The following GALNTL6 variants were observed in gnomAD, a reference collection of about 807,000 sequenced individuals.
GALNTL6 encodes polypeptide N-acetylgalactosaminyltransferase-like 6.
A neutral mutation model predicts 73.7 loss-of-function variants in GALNTL6; 46 were observed. The observed-to-expected ratio is 0.62, with a 90% confidence interval of 0.49 to 0.80. GALNTL6 has a LOEUF of 0.80. Among genes scored for constraint, GALNTL6 ranks in the 30% least tolerant of loss-of-function variants. The pLI is 0.00. For synonymous variants in GALNTL6, 259 were observed against 263.7 expected, an observed-to-expected ratio of 0.98 and a Z score of 0.17; for missense variants, 604 against 755.0, an observed-to-expected ratio of 0.80 and a Z score of 2.34.
intron 2 of GALNTL6, among the ~76,000 whole-genome samples, chr4:172,114,932 T>C (rs1579153196): frequency 6.6e-6 from 1 of 151,910 alleles, no homozygotes; most frequent in Non-Finnish European, 1.5e-5. Flanking sequence ...AGTGGCTCAA[T>C]CCCACTCCCA....
intron 3 of GALNTL6, among the ~76,000 whole-genome samples, chr4:172,236,558 C>CAA (rs149895272): frequency 0.71 from 96,245 of 136,458 alleles, 34,984 homozygotes; most frequent in East Asian, 0.86. Context: ...GACTCCGTCT[C>CAA]AAATAAAAAA....
chr4:171,971,509 T>A (rs183762656), intron 2 of GALNTL6, among the ~76,000 whole-genome samples: 1 of 152,194 alleles, frequency 6.6e-6, no homozygotes, highest in Non-Finnish European at 1.5e-5. Flanking sequence ...AAAAGTTAAA[T>A]AAATTATTCT....
chr4:172,781,362 A>G (rs1739360712), intron 5 of GALNTL6, among the ~76,000 whole-genome samples: 1 of 152,260 alleles, frequency 6.6e-6, no homozygotes, highest in South Asian at 2.1e-4. Flanking sequence ...ATTAATTCAT[A>G]CTATTAAAAT....
chr4:172,984,280 A>G (rs879494741), intron 10 of GALNTL6, among the ~76,000 whole-genome samples: 3 of 152,180 alleles, frequency 2.0e-5, no homozygotes, highest in Admixed American at 6.5e-5. Context: ...AAAACTTACA[A>G]TCATGGCTGA....
intron 4 of GALNTL6, among the ~76,000 whole-genome samples, chr4:172,312,690 C>G (rs1039554379): frequency 9.2e-5 from 14 of 152,110 alleles, no homozygotes; most frequent in Non-Finnish European, 8.8e-5. Flanking sequence ...GCGAATAAAA[C>G]TCCTTAACTT....
intron 7 of GALNTL6, among the ~76,000 whole-genome samples, chr4:172,818,510 A>T (rs1741735349): frequency 6.6e-6 from 1 of 152,194 alleles, no homozygotes; most frequent in African/African-American, 2.4e-5. Context: ...GAGAACTGAC[A>T]TTCTCTATTT....
chr4:172,173,313 TAA>T (rs1314426051), intron 2 of GALNTL6, among the ~76,000 whole-genome samples: 2 of 152,204 alleles, frequency 1.3e-5, no homozygotes, highest in African/African-American at 4.8e-5. Flanking sequence ...GTCATGGGAA[TAA>T]ACTCTGTCCT....
chr4:172,209,970 C>A (rs1012611416), intron 2 of GALNTL6, among the ~76,000 whole-genome samples: 1 of 152,048 alleles, frequency 6.6e-6, no homozygotes, highest in Non-Finnish European at 1.5e-5. Context: ...CCTCTGCCAT[C>A]TTTCCCCTTT....
chr4:172,327,468 A>G (rs536233759), intron 4 of GALNTL6, among the ~76,000 whole-genome samples: 2 of 152,214 alleles, frequency 1.3e-5, no homozygotes, highest in East Asian at 3.9e-4. Flanking sequence ...TTTCTGCCTC[A>G]GCGATCTAAT....
intron 5 of GALNTL6, among the ~76,000 whole-genome samples, chr4:172,414,522 C>T (rs571729956): frequency 1.3e-5 from 2 of 152,232 alleles, no homozygotes; most frequent in South Asian, 4.1e-4. Flanking sequence ...TTTGAATTTT[C>T]TATCGTATTT....
intron 4 of GALNTL6, among the ~76,000 whole-genome samples, chr4:172,348,034 G>A (rs2111214625): frequency 6.6e-6 from 1 of 152,156 alleles, no homozygotes; most frequent in South Asian, 2.1e-4. Context: ...CTGTTTAGAA[G>A]CTACAGTTGT....
chr4:171,935,905 T>C (rs921076084), intron 2 of GALNTL6, among the ~76,000 whole-genome samples: 7 of 152,112 alleles, frequency 4.6e-5, no homozygotes, highest in Admixed American at 3.9e-4. Context: ...CTAGTCAGGG[T>C]TAAAAATTTG....
chr4:171,826,597 C>G (rs1428130125), intron 2 of GALNTL6, among the ~76,000 whole-genome samples: 1 of 152,144 alleles, frequency 6.6e-6, no homozygotes, highest in African/African-American at 2.4e-5. Flanking sequence ...TGCTAATCTG[C>G]ATTAACCCCT....
At chr4:172,651,418 AG>A (rs1287448029) in intron 5 of GALNTL6, among the ~76,000 whole-genome samples, 1 of 152,238 alleles carries the variant, frequency 6.6e-6, no homozygotes, top group Non-Finnish European at 1.5e-5. Context: ...TACTTCATGA[AG>A]GCAGGGATTT....
At chr4:172,597,584 A>C (rs991674967) in intron 5 of GALNTL6, among the ~76,000 whole-genome samples, 2 of 152,146 alleles carry the variant, frequency 1.3e-5, no homozygotes, top group African/African-American at 4.8e-5. Context: ...TGAGTTTTCT[A>C]AGAAGTGAAA....
intron 2 of GALNTL6, among the ~76,000 whole-genome samples, chr4:171,893,703 C>T (rs1003882474): frequency 6.6e-6 from 1 of 152,108 alleles, no homozygotes; most frequent in South Asian, 2.1e-4. Flanking sequence ...TTTAAGAACT[C>T]GTAAGTTTAA....
intron 10 of GALNTL6, among the ~76,000 whole-genome samples, chr4:172,995,022 CT>C (rs1309263828): frequency 2.6e-5 from 4 of 152,120 alleles, no homozygotes; most frequent in Non-Finnish European, 5.9e-5. Flanking sequence ...TTTTCAAGTA[CT>C]AAAAATTTGC....
chr4:172,996,973 C>T (rs570311260), intron 10 of GALNTL6, among the ~76,000 whole-genome samples: 200 of 152,322 alleles, frequency 1.3e-3, no homozygotes, highest in Non-Finnish European at 2.4e-3. Context: ...TCAAGCCACT[C>T]ATGGGTAACC....
chr4:172,745,243 G>C (rs556445528), intron 5 of GALNTL6, among the ~76,000 whole-genome samples: 1 of 151,922 alleles, frequency 6.6e-6, no homozygotes, highest in African/African-American at 2.4e-5. Flanking sequence ...GATATGGTAA[G>C]AGGATTTATA....
Sources: allele counts gnomAD v4.1 joint callset (sites outside exome capture counted in the v4.1 genomes callset), GRCh38; gene constraint gnomAD v4.1.1; transcripts MANE v1.5; gene names NCBI Gene and HGNC (gene_info 2026-07-23, HGNC 2026-07-21).